The following NCOA2 variants were observed in gnomAD, a reference collection of about 807,000 sequenced individuals.
NCOA2 encodes nuclear receptor coactivator 2, also known as class E basic helix-loop-helix protein 75.
Under a neutral mutation model 145.1 loss-of-function variants are expected in NCOA2, and 21 were observed. The observed-to-expected ratio is 0.14, with a 90% CI of 0.10 to 0.21. The LOEUF is 0.21. NCOA2 is among the 10% of genes least tolerant of loss of function. The probability of loss-of-function intolerance (pLI) is 1.00; values close to 1 mark genes in which losing one functional copy is unlikely to be tolerated. For synonymous variants in NCOA2, 619 were observed against 637.5 expected, an observed-to-expected ratio of 0.97 and a Z score of 0.44; for missense variants, 1,472 against 1,837.6, an observed-to-expected ratio of 0.80 and a Z score of 3.64.
At chr8:70,242,081 TAC>T (rs1160043287) in intron 2 of NCOA2, among the ~76,000 whole-genome samples, 2 of 152,142 alleles carry the variant, frequency 1.3e-5, no homozygotes, top group Non-Finnish European at 2.9e-5. Flanking sequence ...TCATTTTGAC[TAC>T]AGTCTAAGGA....
At chr8:70,145,773 G>A (rs1258212750) in intron 12 of NCOA2, among the ~76,000 whole-genome samples, 1 of 152,092 alleles carries the variant, frequency 6.6e-6, no homozygotes, top group African/African-American at 2.4e-5. Flanking sequence ...AGGACTACAG[G>A]TAAGTACCAC....
intron 1 of NCOA2, among the ~76,000 whole-genome samples, chr8:70,298,005 GAAT>G (rs1180898648): frequency 6.6e-6 from 1 of 152,022 alleles, no homozygotes; most frequent in African/African-American, 2.4e-5. Flanking sequence ...CTCTTTTTAA[GAAT>G]AATTTTTAAA....
At chr8:70,115,592 T>C (rs908456578) in intron 22 of NCOA2, among the ~76,000 whole-genome samples, 2 of 152,172 alleles carry the variant, frequency 1.3e-5, no homozygotes, top group Non-Finnish European at 2.9e-5. Context: ...ACTATCACCA[T>C]CATCATCAAC....
chr8:70,372,442 A>G lies in NCOA2; in HGVS notation c.-77+31258T>C, dbSNP rs866649883. 1.1e-4 allele frequency among the ~76,000 whole-genome samples: 16 copies of G among 152,332 alleles called. 1 individual carries two copies. The highest frequency in any genetic ancestry group is 4.1e-4 in the South Asian group (2 of 4,824). ...TAGCCAGCTTCCAAAGAAGCAATTA[A>G]CAAGTACAAACCAACCCCACCAACC... On this transcript the variant is annotated intron_variant, in intron 1 of 22. Coordinates refer to ENST00000452400, the MANE Select transcript of NCOA2 (RefSeq NM_006540.4).
intron 2 of NCOA2, among the ~76,000 whole-genome samples, chr8:70,284,084 C>G (rs1207383999): frequency 6.6e-6 from 1 of 152,082 alleles, no homozygotes; most frequent in East Asian, 1.9e-4. Flanking sequence ...ATGACAACAC[C>G]CCTTGAAAAC....
chr8:70,298,298 G>A (rs1395123458), intron 1 of NCOA2, among the ~76,000 whole-genome samples: 1 of 152,168 alleles, frequency 6.6e-6, no homozygotes, highest in South Asian at 2.1e-4. Flanking sequence ...CTACAGGGGA[G>A]AGAAACAGAA....
At chr8:70,207,513 A>G (rs1350901049) in intron 4 of NCOA2, among the ~76,000 whole-genome samples, 1 of 152,234 alleles carries the variant, frequency 6.6e-6, no homozygotes, top group Non-Finnish European at 1.5e-5. Flanking sequence ...GCCACATGAA[A>G]ATGTGCGAAA....
chr8:70,152,555 C>T (rs1054972768), intron 11 of NCOA2, among the ~76,000 whole-genome samples: 1 of 152,148 alleles, frequency 6.6e-6, no homozygotes, highest in Admixed American at 6.5e-5. Flanking sequence ...AAACCCTTAT[C>T]ATACGTGTCT....
At chr8:70,235,057 C>T (rs562009778) in intron 2 of NCOA2, among the ~76,000 whole-genome samples, 2 of 152,212 alleles carry the variant, frequency 1.3e-5, no homozygotes, top group South Asian at 4.1e-4. Flanking sequence ...ATAGGCTTTG[C>T]TAAAGGTGAA....
At chr8:70,274,205 G>GGA (rs879312288) in intron 2 of NCOA2, among the ~76,000 whole-genome samples, 3 of 112,146 alleles carry the variant, frequency 2.7e-5, no homozygotes, top group African/African-American at 8.9e-5. Context: ...CTCATGTTTG[G>GGA]AAAAAAAAAA....
intron 2 of NCOA2, among the ~76,000 whole-genome samples, chr8:70,250,921 G>A (rs1823114749): frequency 1.3e-5 from 2 of 152,098 alleles, no homozygotes; most frequent in Admixed American, 1.3e-4. Flanking sequence ...TAATTTATAT[G>A]TTAAATACAT....
chr8:70,446,948 T>C, the NCOA2 span, among the ~76,000 whole-genome samples: 1,308 of 152,320 alleles, frequency 8.6e-3, 19 homozygotes, highest in African/African-American at 0.03. Flanking sequence ...TCAGCAATTC[T>C]AGGCTTCCTG....
At position 70,249,625 on chromosome 8, in the gene NCOA2, A is replaced by C. The variant is rs976559510; in HGVS notation, c.-19-32861T>G. ...TTGATGGTAGCCACCATTAGCTCTT[A>C]GTTTGATATCATGTTCAGCAAAAAG... On this transcript the variant is annotated intron_variant, in intron 2 of 22. Coordinates refer to ENST00000452400, the MANE Select transcript of NCOA2 (RefSeq NM_006540.4). 2.0e-5 allele frequency among the ~76,000 whole-genome samples: 3 copies of C among 152,284 alleles called. No individual in the cohort carries two copies. In the East Asian group the frequency reaches 5.8e-4, roughly 29 times the overall value.
At chr8:70,197,594 G>A (rs1817465791) in intron 4 of NCOA2, among the ~76,000 whole-genome samples, 1 of 152,164 alleles carries the variant, frequency 6.6e-6, no homozygotes, top group Non-Finnish European at 1.5e-5. Context: ...AAGATATCTG[G>A]CCAATGTGTC....
Position 70,113,433 on chromosome 8 carries a change from A to G in NCOA2, c.*199T>C, listed in dbSNP as rs184747219. 1 of 607,660 alleles carries G rather than the reference A, an allele frequency of 1.6e-6. No homozygotes were observed. The highest frequency in any genetic ancestry group is 1.8e-5 in the African/African-American group (1 of 54,108). The allele number at this position is 607,660 out of a possible 1,614,324, so 37.6% of individuals were successfully genotyped here. On this transcript the variant is annotated 3_prime_UTR_variant, in exon 23 of 23. Coordinates refer to ENST00000452400, the MANE Select transcript of NCOA2 (RefSeq NM_006540.4). Reference sequence around the variant, plus strand: ...GAGCGACTGTCTGGATGCGAGCTTCAGACTGTCAAGAGAAGAGGCAGCTCC... The same window carrying G: ...GAGCGACTGTCTGGATGCGAGCTTCGGACTGTCAAGAGAAGAGGCAGCTCC...
intron 1 of NCOA2, among the ~76,000 whole-genome samples, chr8:70,318,298 C>A (rs906403998): frequency 1.1e-4 from 17 of 152,212 alleles, no homozygotes; most frequent in Admixed American, 7.2e-4. Flanking sequence ...GGCATTCAGG[C>A]GGTTATTTTG....
chr8:70,311,079 C>A (rs946560264), intron 1 of NCOA2, among the ~76,000 whole-genome samples: 2 of 151,758 alleles, frequency 1.3e-5, no homozygotes, highest in African/African-American at 4.8e-5. Context: ...GTAGTAGATT[C>A]TCAGCAATTG....
At chr8:70,117,116 C>T (rs1005406455) in intron 22 of NCOA2, among the ~76,000 whole-genome samples, 4 of 152,262 alleles carry the variant, frequency 2.6e-5, no homozygotes, top group Non-Finnish European at 5.9e-5. Context: ...TTAAAGGGCC[C>T]CCATGGGCCA....
intron 2 of NCOA2, among the ~76,000 whole-genome samples, chr8:70,220,710 G>A (rs1458666004): frequency 2.0e-5 from 3 of 152,146 alleles, no homozygotes; most frequent in African/African-American, 7.2e-5. Flanking sequence ...TAATTTATAA[G>A]GTAACAAAGC....
Sources: gnomAD v4.1 joint callset for allele counts (sites outside exome capture counted in the v4.1 genomes callset) on GRCh38, gnomAD v4.1.1 for gene constraint, MANE v1.5 for transcripts, NCBI Gene and HGNC (gene_info 2026-07-23, HGNC 2026-07-21) for gene names.